Variants in ANKRD36C observed in about 807,000 individuals in gnomAD.
ANKRD36C encodes ankyrin repeat domain 36C.
In ANKRD36C, 61 loss-of-function variants were observed where a neutral mutation model predicts 276.4. The ratio of observed to expected loss-of-function variants is 0.22; its 90% CI spans 0.18 to 0.27. ANKRD36C has a LOEUF of 0.27. ANKRD36C is among the 10% of genes least tolerant of loss of function. The pLI is 1.00. For synonymous variants in ANKRD36C, 483 were observed against 680.1 expected, an observed-to-expected ratio of 0.71 and a Z score of 4.51; for missense variants, 1,447 against 2,032.3, an observed-to-expected ratio of 0.71 and a Z score of 5.54.
chr2:95,853,744 C>T lies in ANKRD36C; in HGVS notation c.5113G>A (p.Asp1705Asn), dbSNP rs200478637. ...ATCTGGTCTAATTTCTTCCTTGAAT[C>T]CTGCATCCCATTTTCTAAATAGATG... is the stretch of plus-strand genomic sequence containing the variant. Residue 1705 changes from aspartate to asparagine, a missense_variant, in exon 64 of 67, where the codon GAT becomes AAT. Physicochemically the swap from Asp to Asn is conservative, Grantham distance 23 (BLOSUM62 1). Coordinates refer to ENST00000456556, the Ensembl canonical transcript of ANKRD36C. 12,084 of 1,594,738 alleles carry T rather than the reference C, an allele frequency of 7.6e-3. 77 individuals carry two copies. Among genetic ancestry groups the T allele is most frequent in the Non-Finnish European group, 8.9e-3 (10,405 of 1,170,144 alleles).
chr2:95,899,167 CT>C lies in ANKRD36C; in HGVS notation c.2732del (p.Lys911ArgfsTer17). On this transcript the variant is annotated frameshift_variant, in exon 44 of 67. Transcript: ENST00000456556. LOFTEE classifies it high-confidence loss of function. ...TACCTGTTCTAGATTTTTCTCCATC[CT>C]TTTTTTCTCTGGCTATATTCAAAAC... 1 of 2,996 alleles carries C rather than the reference CT, an allele frequency of 3.3e-4. No individual in the cohort carries two copies. Among genetic ancestry groups the C allele is most frequent in the Admixed American group, 1.4e-3 (1 of 706 alleles). The allele number at this position is 2,996 out of a possible 1,614,324, so 0.2% of individuals were successfully genotyped here.
intron 59 of ANKRD36C, chr2:95,876,041 CAA>C (rs1322298228): frequency 2.5e-6 from 1 of 405,210 alleles, no homozygotes; most frequent in African/African-American, 2.1e-5. Flanking sequence ...AAAAAAACTG[CAA>C]AGTTTGAACC....
rs1182819197 is a variant in ANKRD36C, at chr2:95,987,211, G to A, written c.198-5C>T. ...CAGGCCAAATGTAGGGCGGTCCTGT[G>A]AGAGTGACAGGACTTTTTAAAACAT... On this transcript the variant is annotated splice_region_variant and splice_polypyrimidine_tract_variant and intron_variant, in intron 1 of 66. Transcript: ENST00000456556. 3.3e-6 allele frequency: 5 copies of A among 1,536,530 alleles called. No homozygotes were observed. Among genetic ancestry groups the A allele is most frequent in the Non-Finnish European group, 4.4e-6 (5 of 1,141,830 alleles).
At chr2:95,956,345 A>G (rs960009881) in intron 13 of ANKRD36C, among the ~76,000 whole-genome samples, 1 of 152,246 alleles carries the variant, frequency 6.6e-6, no homozygotes, top group African/African-American at 2.4e-5. Context: ...AAATATTTGG[A>G]CAAAGTTTTG....
At chr2:95,945,387 C>T (rs1264684637) in intron 17 of ANKRD36C, among the ~76,000 whole-genome samples, 1 of 152,308 alleles carries the variant, frequency 6.6e-6, no homozygotes, top group Non-Finnish European at 1.5e-5. Context: ...AATGTTACTC[C>T]TTTCAACCCC....
chr2:95,921,494 G>A, intron 34 of ANKRD36C, 113 bp downstream of exon 34: 1 of 1,407,714 alleles, frequency 7.1e-7, no homozygotes, highest in Non-Finnish European at 9.6e-7. Flanking sequence ...TACTGAATCA[G>A]AATGTGCAGC....
exon 32 of ANKRD36C, chr2:95,923,529 A>G: frequency 2.5e-6 from 4 of 1,610,996 alleles, no homozygotes; most frequent in African/African-American, 1.3e-5. Context: ...TTATTTCTGT[A>G]GCTATATTCA....
intron 60 of ANKRD36C, among the ~76,000 whole-genome samples, chr2:95,866,790 G>GA (rs1404383020): frequency 6.6e-6 from 1 of 152,046 alleles, no homozygotes; most frequent in African/African-American, 2.4e-5. Flanking sequence ...TGACTATCTC[G>GA]ATGATGGTAA....
At chr2:95,851,945 G>A (rs1204989906) in intron 65 of ANKRD36C, among the ~76,000 whole-genome samples, 158 bp from the exon 86 acceptor site, 1 of 152,060 alleles carries the variant, frequency 6.6e-6, no homozygotes, top group Non-Finnish European at 1.5e-5. Context: ...GTGTTTTGTT[G>A]ATAATATGCA....
chr2:95,943,349 A>G (rs1049379770), intron 19 of ANKRD36C, among the ~76,000 whole-genome samples: 1 of 151,576 alleles, frequency 6.6e-6, no homozygotes, highest in East Asian at 1.9e-4. Flanking sequence ...GCCGGGCGTG[A>G]TGGCGGGCGC....
chr2:95,944,729 G>T, intron 18 of ANKRD36C, 35 bp from the exon 19 acceptor site: 1 of 1,531,396 alleles, frequency 6.5e-7, no homozygotes, highest in Non-Finnish European at 8.8e-7. Flanking sequence ...TAGATGAAAT[G>T]CATGTAATTA....
intron 59 of ANKRD36C, chr2:95,876,003 T>C (rs547512697): frequency 4.5e-6 from 2 of 441,144 alleles, no homozygotes; most frequent in East Asian, 1.4e-4. Flanking sequence ...AAAGTAAATT[T>C]TTAACCTTGG....
At chr2:95,860,442 G>C (rs1223854810) in intron 60 of ANKRD36C, among the ~76,000 whole-genome samples, 1 of 152,168 alleles carries the variant, frequency 6.6e-6, no homozygotes, top group Non-Finnish European at 1.5e-5. Context: ...AAAAGAAGCA[G>C]TTAAGCAAAG....
chr2:95,949,503 T>C (rs932077046), intron 16 of ANKRD36C, among the ~76,000 whole-genome samples: 12 of 152,184 alleles, frequency 7.9e-5, no homozygotes, highest in Admixed American at 6.5e-5. Context: ...ATCTTCAAAT[T>C]TGGCTGTCCC....
intron 58 of ANKRD36C, among the ~76,000 whole-genome samples, chr2:95,876,853 CAA>C (rs61043155): frequency 4.8e-5 from 4 of 84,176 alleles, no homozygotes; most frequent in African/African-American, 5.5e-5. Flanking sequence ...GACTGTGTCT[CAA>C]AAAAAAAAAA....
chr2:95,891,274 G>A (rs561016053), intron 46 of ANKRD36C, among the ~76,000 whole-genome samples: 5 of 150,980 alleles, frequency 3.3e-5, no homozygotes, highest in South Asian at 2.1e-4. Flanking sequence ...GTGTCTACGG[G>A]TTGTTACAAC....
chr2:95,910,450 A>T lies in ANKRD36C; in HGVS notation c.2653+1794T>A, dbSNP rs771788214. The T allele has an allele frequency of 6.4e-7, 1 of 1,574,208 alleles. No individual in the cohort carries two copies. Among genetic ancestry groups the T allele is most frequent in the Non-Finnish European group, 8.6e-7 (1 of 1,160,226 alleles). ...ATCTTCCTCGTCACTTGTAGCCTGA[A>T]TAGAATTTGAAACGAAATAATAAAT... is the stretch of plus-strand genomic sequence containing the variant. On this transcript the variant is annotated intron_variant, in intron 42 of 66. Coordinates refer to ENST00000456556, the Ensembl canonical transcript of ANKRD36C.
intron 35 of ANKRD36C, 25 bp from the exon 38 acceptor site, chr2:95,917,952 A>C (rs532339477): frequency 6.3e-7 from 1 of 1,598,094 alleles, no homozygotes; most frequent in African/African-American, 1.3e-5. Flanking sequence ...AAAGAAAATA[A>C]TAAATAAATA....
chr2:95,860,738 G>A (rs919129281), intron 60 of ANKRD36C, among the ~76,000 whole-genome samples: 1 of 152,146 alleles, frequency 6.6e-6, no homozygotes. Flanking sequence ...ATGACAAAGG[G>A]AGAAAATCTG....
Sources: gnomAD v4.1 joint callset for allele counts (sites outside exome capture counted in the v4.1 genomes callset) on GRCh38, gnomAD v4.1.1 for gene constraint, MANE v1.5 for transcripts, NCBI Gene and HGNC (gene_info 2026-07-23, HGNC 2026-07-21) for gene names.